OPLAH: variants seen among roughly 807,000 people sequenced by gnomAD.
The protein encoded by OPLAH is 5-oxoprolinase, ATP-hydrolysing, also known as 5-oxoprolinase.
OPLAH carries 103 observed loss-of-function variants against 122.8 expected under a neutral mutation model. The observed-to-expected ratio is 0.84, with a 90% CI of 0.71 to 0.99. The LOEUF (loss-of-function observed/expected upper bound fraction) is 0.99, where lower values mean the gene tolerates loss of function less well. Among genes scored for constraint, OPLAH ranks in the 50% least tolerant of loss-of-function variants. The pLI, the probability that OPLAH is intolerant of heterozygous loss-of-function variation, is 0.00. For synonymous variants in OPLAH, 875 were observed against 796.0 expected (o/e 1.10, Z -1.67); for missense variants, 1,902 against 1,836.5 (o/e 1.04, Z -0.65).
At chr8:144,063,888 CG>C (rs1210884615), upstream of OPLAH, 5 of 152,566 alleles carry the variant, frequency 3.3e-5, no homozygotes, top group East Asian at 9.6e-4. This position sits in a 1 kb window ranked among gnomAD's most constrained non-coding sequence, Gnocchi z 4.2. Context: ...CTGTGCCAGC[CG>C]CTGGATCTCC....
rs573489994 is a variant in OPLAH, at chr8:144,058,110, C to T, written c.988G>A (p.Glu330Lys). 153 of 1,612,502 alleles carry T rather than the reference C, an allele frequency of 9.5e-5. 3 individuals carry two copies. The South Asian group carries it at 1.6e-3, about 17-fold the overall frequency. The change falls in exon 8 of 27, where the codon GAG becomes AAG. Residue 330 changes from glutamate (E) to lysine (K), a missense_variant. Coordinates refer to ENST00000618853, the MANE Select transcript of OPLAH (RefSeq NM_017570.5). ...GCTGTGCTGGCCTCGAAGACGTGCT[C>T]GAATTCCCCAGCATAGCGGCTCACA... is the stretch of plus-strand genomic sequence containing the variant. ...TDVSRYAGEF[E>K]HVFEASTAGV...
At chr8:144,051,700 A>C in intron 26 of OPLAH, 29 bp downstream of exon 26, 1 of 1,465,952 alleles carries the variant, frequency 6.8e-7, no homozygotes, top group Non-Finnish European at 9.3e-7. Context: ...AGGGGAGGGG[A>C]GGGGGACAGG....
Position 144,060,075 on chromosome 8 carries a change from C to A in OPLAH, c.-43G>T. The A allele has an allele frequency of 6.3e-7, 1 of 1,586,242 alleles. No homozygotes were observed. Among genetic ancestry groups the A allele is most frequent in the Non-Finnish European group, 8.6e-7 (1 of 1,165,880 alleles). On this transcript the variant is annotated 5_prime_UTR_variant, in exon 2 of 27. Coordinates refer to ENST00000618853, the MANE Select transcript of OPLAH (RefSeq NM_017570.5). ...CCCACAGGAGCTCTTCAGCTGGTAG[C>A]CCTGGAAAAACTGGACGGAGGCGGG...
chr8:144,056,800 G>GACCCC, intron 12 of OPLAH, 45 bp from the exon 13 acceptor site: 1 of 1,565,234 alleles, frequency 6.4e-7, no homozygotes, highest in Non-Finnish European at 8.7e-7. Context: ...CCCCTGCCCT[G>GACCCC]ACCCCACCCC....
chr8:144,056,494 G>A lies in OPLAH; in HGVS notation c.1874C>T (p.Pro625Leu). ...ATCGTCCACGACCACCGGCCGCTCAGGTATGACAAAGCCAAACTCCCTCAT... is the reference window on the plus strand; with the variant it reads ...ATCGTCCACGACCACCGGCCGCTCAAGTATGACAAAGCCAAACTCCCTCAT... The part of the protein sequence containing the change: ...RYMREFGFVI[P>L]ERPVVVDDVR... Residue 625 changes from proline to leucine, a missense_variant, in exon 14 of 27, where the codon CCT becomes CTT. Physicochemically the swap from Pro to Leu is moderately conservative, Grantham distance 98. This residue lies in a region of OPLAH where 1,726 missense variants were observed against 1,642.1 expected (regional missense o/e 1.05). Transcript: ENST00000618853. 6.2e-7 allele frequency: 1 copy of A among 1,611,948 alleles called. No individual in the cohort carries two copies. Among genetic ancestry groups the A allele is most frequent in the Non-Finnish European group, 8.5e-7 (1 of 1,179,498 alleles).
At chr8:144,050,767 T>G, downstream of OPLAH, 1 of 986,696 alleles carries the variant, frequency 1.0e-6, no homozygotes, top group African/African-American at 1.7e-5. Context: ...AGGCTCTGGC[T>G]GATGCCGCCC....
rs1554759666 is a variant in OPLAH, at chr8:144,057,633, C to T, written c.1237G>A (p.Gly413Arg). ...PASFPCIFGP[G>R]ENQPLSPEAS... The stretch of plus-strand genomic sequence containing the variant: ...TCAGGGGAAAGTGGTTGGTTCTCTC[C>T]CGGCCCAAAAATGCAGGGGAAGGAG... Residue 413 changes from glycine to arginine, a missense_variant, in exon 10 of 27, where the codon GGA (glycine) becomes AGA (arginine). This residue lies in a region of OPLAH where 1,726 missense variants were observed against 1,642.1 expected (regional missense o/e 1.05). Coordinates refer to ENST00000618853, the MANE Select transcript of OPLAH (RefSeq NM_017570.5). 2 of 1,601,928 alleles carry T rather than the reference C, an allele frequency of 1.2e-6. No individual in the cohort carries two copies. The highest frequency in any genetic ancestry group is 2.7e-5 in the African/African-American group (2 of 74,688).
At position 144,053,069 on chromosome 8, in the gene OPLAH, G is replaced by C; in HGVS notation, c.2932C>G (p.Arg978Gly). 3.1e-6 allele frequency: 5 copies of C among 1,601,728 alleles called. 1 individual carries two copies. Among genetic ancestry groups the C allele is most frequent in the East Asian group, 4.5e-5 (2 of 44,156 alleles). ...GAGGACACCTCCAGGGGCAGGCCCCGGGCCTGCCGGGAGGTTCCAAAGGCA... is the reference window on the plus strand; with the variant it reads ...GAGGACACCTCCAGGGGCAGGCCCCCGGCCTGCCGGGAGGTTCCAAAGGCA... ...LRAFGTSRQA[R>G]GLPLEVSSED... The change falls in exon 21 of 27, where the codon CGG becomes GGG. Residue 978 changes from arginine (R) to glycine (G), a missense_variant. Physicochemically the swap from Arg to Gly is moderately radical, Grantham distance 125. Transcript: ENST00000618853.
chr8:144,062,285 C>T (rs1564296455), upstream of OPLAH, among the ~76,000 whole-genome samples: 1 of 152,084 alleles, frequency 6.6e-6, no homozygotes, highest in African/African-American at 2.4e-5. Flanking sequence ...AACCCCTCCC[C>T]ATGGATGGGC....
chr8:144,052,350 C>T, intron 23 of OPLAH, 24 bp from the exon 24 acceptor site: 1 of 1,511,758 alleles, frequency 6.6e-7, no homozygotes. Context: ...CTGGTCGCTG[C>T]GCTGGGCTGG....
upstream of OPLAH, among the ~76,000 whole-genome samples, chr8:144,062,519 C>T (rs1331239801): frequency 5.3e-5 from 8 of 152,088 alleles, no homozygotes; most frequent in African/African-American, 1.7e-4. Context: ...GAGGACCTTC[C>T]CCACCAGCCA....
chr8:144,058,876 C>T lies in OPLAH; in HGVS notation c.484G>A (p.Glu162Lys). The change falls in exon 5 of 27, where the codon GAA (glutamate) becomes AAA (lysine). Residue 162 changes from glutamate (E) to lysine (K), a missense_variant. By Grantham distance (56) the Glu-to-Lys change is moderately conservative (BLOSUM62 1). Around this residue, in one of 3 missense-constraint regions of OPLAH, gnomAD observed 1,726 missense variants for 1,642.1 expected, o/e 1.05. Coordinates refer to ENST00000618853, the MANE Select transcript of OPLAH (RefSeq NM_017570.5). ...CCCAGGTCCACAGGCTGCTGCACTT[C>T]CAGCAGGTCCCCCGTGCGGCCTTCC... ...PVKGRTGDLL[E>K]VQQPVDLGAL... The T allele has an allele frequency of 6.4e-7, 1 of 1,556,004 alleles. No homozygotes were observed.
At position 144,052,088 on chromosome 8, in the gene OPLAH, A is replaced by T. The variant is rs1835393294; in HGVS notation, c.3462-12T>A. On this transcript the variant is annotated splice_polypyrimidine_tract_variant and intron_variant, in intron 24 of 26. Transcript: ENST00000618853. ...GGATGACCGGGTACCTGCGAGGGCG[A>T]GGACGAGGGCAAAGACTCAGCGTGG... 1 of 1,575,936 alleles carries T rather than the reference A, an allele frequency of 6.3e-7. No homozygotes were observed.
At position 144,058,884 on chromosome 8, in the gene OPLAH, T is replaced by A. The variant is rs1339581607; in HGVS notation, c.476A>T (p.Asp159Val). The change falls in exon 5 of 27, where the codon GAC becomes GTC. Residue 159 changes from aspartate to valine, a missense_variant. Physicochemically the swap from Asp to Val is radical, Grantham distance 152 (BLOSUM62 -3). Coordinates refer to ENST00000618853, the MANE Select transcript of OPLAH (RefSeq NM_017570.5). The stretch of plus-strand genomic sequence containing the variant: ...CACAGGCTGCTGCACTTCCAGCAGG[T>A]CCCCCGTGCGGCCTTCCAGAAAAGC... Reference protein sequence around the residue: ...TGTPVKGRTGDLLEVQQPVDL... With the variant: ...TGTPVKGRTGVLLEVQQPVDL... 1.9e-6 allele frequency: 3 copies of A among 1,550,984 alleles called. No individual in the cohort carries two copies. Among genetic ancestry groups the A allele is most frequent in the Non-Finnish European group, 2.6e-6 (3 of 1,146,732 alleles).
rs1587552539 is a variant in OPLAH, at chr8:144,053,021, A to G, written c.2980T>C (p.Ser994Pro). The change falls in exon 21 of 27, where the codon TCC becomes CCC. Residue 994 changes from serine to proline, a missense_variant. This residue lies in a region of OPLAH where 1,726 missense variants were observed against 1,642.1 expected (regional missense o/e 1.05). Transcript: ENST00000618853. ...VSSEDHMDDG[S>P]PIRLRVQISL... ...ATCTGCACACGGAGGCGGATGGGGG[A>G]ACCGTCGTCCATGTGGTCTTCCGAG... The G allele has an allele frequency of 6.2e-7, 1 of 1,603,404 alleles. No homozygotes were observed.
downstream of OPLAH, chr8:144,050,700 C>A: frequency 4.1e-6 from 4 of 985,244 alleles, no homozygotes; most frequent in Non-Finnish European, 4.8e-6. Flanking sequence ...CCCTGGGTAT[C>A]GTGCTTAGGG....
chr8:144,052,861 C>T lies in OPLAH; in HGVS notation c.3058G>A (p.Val1020Met), dbSNP rs782144907. ...CGCGGTGCGTTGAGATTACCAAACACCTCCGGCCCAGTGCCGCTGAAGTCA... is the reference window on the plus strand; with the variant it reads ...CGCGGTGCGTTGAGATTACCAAACATCTCCGGCCCAGTGCCGCTGAAGTCA... ...VFDFSGTGPEVFGNLNAPRAV... is the reference protein window; with the variant it reads ...VFDFSGTGPEMFGNLNAPRAV... Residue 1020 changes from valine (V) to methionine (M), a missense_variant, in exon 22 of 27, where the codon GTG (valine) becomes ATG (methionine). Around this residue, in one of 3 missense-constraint regions of OPLAH, gnomAD observed 1,726 missense variants for 1,642.1 expected, o/e 1.05. Transcript: ENST00000618853. 1.7e-5 allele frequency: 26 copies of T among 1,554,206 alleles called. No homozygotes were observed. Among genetic ancestry groups the T allele is most frequent in the Non-Finnish European group, 2.0e-5 (23 of 1,149,450 alleles).
chr8:144,058,645 C>A lies in OPLAH; in HGVS notation c.634G>T (p.Gly212Cys). Reference protein sequence around the residue: ...QQVGVLARELGFTHVSLSSEA... With the variant: ...QQVGVLARELCFTHVSLSSEA... ...GAGGACAGTGACACGTGCGTGAAGC[C>A]CAGCTCCCGGGCCAGCACACCCACC... The change falls in exon 6 of 27, where the codon GGC becomes TGC. Residue 212 changes from glycine (G) to cysteine (C), a missense_variant. By Grantham distance (159) the Gly-to-Cys change is radical. Around this residue, in one of 3 missense-constraint regions of OPLAH, gnomAD observed 1,726 missense variants for 1,642.1 expected, o/e 1.05. Coordinates refer to ENST00000618853, the MANE Select transcript of OPLAH (RefSeq NM_017570.5). The A allele has an allele frequency of 6.2e-7, 1 of 1,600,898 alleles. No homozygotes were observed.
At position 144,057,035 on chromosome 8, in the gene OPLAH, G is replaced by A. The variant is rs781828596; in HGVS notation, c.1619C>T (p.Ala540Val). The A allele has an allele frequency of 1.1e-5, 18 of 1,599,998 alleles. 1 individual carries two copies. The highest frequency in any genetic ancestry group is 3.3e-4 in the Middle Eastern group (2 of 6,070). Residue 540 changes from alanine to valine, a missense_variant, in exon 12 of 27, where the codon GCG becomes GTG. Coordinates refer to ENST00000618853, the MANE Select transcript of OPLAH (RefSeq NM_017570.5). ...EAQEPCSLLY[A>V]PETFVQLDQR... ...GTCCAGCTGCACGAAGGTCTCAGGC[G>A]CGTAGAGCAGGGAGCAGGGTTCCTG... is the stretch of plus-strand genomic sequence containing the variant.
Sources: allele counts gnomAD v4.1 joint callset (sites outside exome capture counted in the v4.1 genomes callset), GRCh38; gene constraint gnomAD v4.1.1; regional missense constraint gnomAD v4.1.1; non-coding constraint Gnocchi (gnomAD v3.1); transcripts MANE v1.5; gene names NCBI Gene and HGNC (gene_info 2026-07-23, HGNC 2026-07-21).